The following ANTXR2 variants were observed in gnomAD, a reference collection of about 807,000 sequenced individuals.
ANTXR2 encodes ANTXR cell adhesion molecule 2.
A neutral mutation model predicts 73.7 loss-of-function variants in ANTXR2; 44 were observed. The observed-to-expected ratio is 0.60, with a 90% CI of 0.47 to 0.77. ANTXR2 has a LOEUF of 0.77. ANTXR2 is among the 30% of genes least tolerant of loss of function. The probability of loss-of-function intolerance (pLI) is 0.00; values close to 1 mark genes in which losing one functional copy is unlikely to be tolerated. For missense variants in ANTXR2, 604 were observed against 592.5 expected (o/e 1.02, Z -0.20); for synonymous variants, 217 against 205.9 (o/e 1.05, Z -0.46).
intron 16 of ANTXR2, among the ~76,000 whole-genome samples, chr4:79,949,181 C>T (rs1003456708): frequency 1.3e-5 from 2 of 152,042 alleles, no homozygotes; most frequent in Non-Finnish European, 2.9e-5. Context: ...AGACAGAGGA[C>T]GCAAGTACCC....
At chr4:79,980,393 C>T (rs1242320546) in intron 14 of ANTXR2, among the ~76,000 whole-genome samples, 1 of 152,044 alleles carries the variant, frequency 6.6e-6, no homozygotes, top group African/African-American at 2.4e-5. Flanking sequence ...TTTAGTTTGA[C>T]CACATTGAGA....
intron 16 of ANTXR2, among the ~76,000 whole-genome samples, chr4:79,945,067 T>C (rs2109974893): frequency 6.6e-6 from 1 of 152,242 alleles, no homozygotes; most frequent in South Asian, 2.1e-4. Context: ...GATAGATTCT[T>C]CTATACCAGA....
At chr4:80,003,819 G>A (rs1477858291) in intron 12 of ANTXR2, among the ~76,000 whole-genome samples, 1 of 152,056 alleles carries the variant, frequency 6.6e-6, no homozygotes, top group Non-Finnish European at 1.5e-5. Flanking sequence ...GTGGGCATGT[G>A]AGATGGTACC....
chr4:79,978,209 T>TA, intron 14 of ANTXR2, 35 bp from the exon 15 acceptor site: 3 of 1,600,588 alleles, frequency 1.9e-6, no homozygotes, highest in Non-Finnish European at 2.6e-6. Context: ...TTATCAGACA[T>TA]AAAGTGTCCT....
intron 16 of ANTXR2, among the ~76,000 whole-genome samples, chr4:79,920,530 G>A (rs1424372645): frequency 6.6e-6 from 1 of 152,098 alleles, no homozygotes; most frequent in Non-Finnish European, 1.5e-5. Flanking sequence ...TGTTGGGGAT[G>A]AGTGCTGGAG....
In ANTXR2 at chr4:79,950,912, A is replaced by C. The variant is rs556508451; in HGVS notation, c.1428+26709T>G. On this transcript the variant is annotated intron_variant, in intron 16 of 16. Transcript: ENST00000403729. ...CTCTGCTACACACCTAGCTCCACATAGTAATCAAGTCCTGCTAGCATCCCC... is the reference window on the plus strand; with the variant it reads ...CTCTGCTACACACCTAGCTCCACATCGTAATCAAGTCCTGCTAGCATCCCC... Among the ~76,000 whole-genome samples, 4 of 152,204 alleles carry C rather than the reference A, an allele frequency of 2.6e-5. No homozygotes were observed. In the East Asian group the frequency reaches 5.8e-4, roughly 22 times the overall value.
intron 16 of ANTXR2, among the ~76,000 whole-genome samples, chr4:79,950,111 C>T (rs906648586): frequency 1.4e-5 from 2 of 147,754 alleles, no homozygotes; most frequent in Non-Finnish European, 3.0e-5. Flanking sequence ...CTGTTCACTT[C>T]TTTTAAATTA....
intron 16 of ANTXR2, among the ~76,000 whole-genome samples, chr4:79,973,272 G>A (rs1204905013): frequency 1.3e-5 from 2 of 152,140 alleles, no homozygotes; most frequent in Non-Finnish European, 2.9e-5. Flanking sequence ...CTAAAGTAGT[G>A]GAAGAATTCT....
At chr4:79,922,100 T>C (rs1207695577) in intron 16 of ANTXR2, among the ~76,000 whole-genome samples, 1 of 152,064 alleles carries the variant, frequency 6.6e-6, no homozygotes, top group Non-Finnish European at 1.5e-5. Flanking sequence ...GACAAATGAC[T>C]TTTCTTGCTA....
chr4:79,916,587 A>G (rs1054097088), intron 16 of ANTXR2, among the ~76,000 whole-genome samples: 4 of 152,168 alleles, frequency 2.6e-5, no homozygotes, highest in Non-Finnish European at 5.9e-5. Flanking sequence ...ATAAAAAAAC[A>G]GAAAGCAATT....
chr4:80,004,380 A>C (rs776720523), intron 12 of ANTXR2, among the ~76,000 whole-genome samples: 2 of 152,142 alleles, frequency 1.3e-5, no homozygotes, highest in Non-Finnish European at 2.9e-5. Flanking sequence ...ATTATCATAC[A>C]CTTAGTGTCT....
intron 16 of ANTXR2, among the ~76,000 whole-genome samples, chr4:79,954,193 G>T (rs1728808218): frequency 6.6e-6 from 1 of 152,096 alleles, no homozygotes; most frequent in Non-Finnish European, 1.5e-5. Context: ...TTGAGACAAG[G>T]TCTTGCTCTG....
intron 16 of ANTXR2, among the ~76,000 whole-genome samples, chr4:79,924,606 T>C (rs1727712812): frequency 6.6e-6 from 1 of 152,130 alleles, no homozygotes; most frequent in Non-Finnish European, 1.5e-5. Context: ...TCAGAGTTGT[T>C]CTTCTTTTGG....
At chr4:80,067,475 A>G (rs1734558012) in intron 3 of ANTXR2, among the ~76,000 whole-genome samples, 1 of 152,250 alleles carries the variant, frequency 6.6e-6, no homozygotes. Context: ...CAAGCCTGGC[A>G]TGATGCTAAG....
chr4:79,946,651 G>A (rs1276542399), intron 16 of ANTXR2, among the ~76,000 whole-genome samples: 1 of 152,050 alleles, frequency 6.6e-6, no homozygotes, highest in Non-Finnish European at 1.5e-5. Flanking sequence ...CATCCTGCAG[G>A]GGTATCTGGT....
intron 8 of ANTXR2, among the ~76,000 whole-genome samples, chr4:80,033,969 G>A (rs946934624): frequency 2.0e-4 from 30 of 152,058 alleles, no homozygotes; most frequent in African/African-American, 7.2e-4. Context: ...GTTTGGGAAT[G>A]TAAATAAAAC....
chr4:80,059,665 A>G (rs1425465788), intron 3 of ANTXR2, among the ~76,000 whole-genome samples: 1 of 152,054 alleles, frequency 6.6e-6, no homozygotes, highest in Non-Finnish European at 1.5e-5. Flanking sequence ...GGCTTGGCTA[A>G]TTTTTTAATG....
At chr4:80,055,264 G>T (rs777334263) in intron 5 of ANTXR2, 46 bp from the exon 6 acceptor site, 14 of 1,546,416 alleles carry the variant, frequency 9.1e-6, no homozygotes, top group Non-Finnish European at 1.2e-5. Flanking sequence ...AGAGGGGAGA[G>T]GGAGAAAGTG....
At chr4:80,029,608 A>G (rs1732596775) in intron 10 of ANTXR2, among the ~76,000 whole-genome samples, 1 of 152,082 alleles carries the variant, frequency 6.6e-6, no homozygotes, top group Non-Finnish European at 1.5e-5. Context: ...TAGAAACATA[A>G]TAACAGACAA....
Sources: gnomAD v4.1 joint callset for allele counts (sites outside exome capture counted in the v4.1 genomes callset) on GRCh38, gnomAD v4.1.1 for gene constraint, MANE v1.5 for transcripts, NCBI Gene and HGNC (gene_info 2026-07-23, HGNC 2026-07-21) for gene names.